Variants in LINC00305 observed in about 807,000 individuals in gnomAD.
LINC00305 encodes the protein long independently transcribed non-coding RNA 305.
chr18:64,128,418 G>T (rs1376533786), intron 1 of LINC00305, among the ~76,000 whole-genome samples: 2 of 152,028 alleles, frequency 1.3e-5, no homozygotes, highest in Admixed American at 1.3e-4. Flanking sequence ...TGAAAAGGAA[G>T]TTGAAAAACC....
intron 1 of LINC00305, among the ~76,000 whole-genome samples, chr18:64,130,233 G>A (rs1335648101): frequency 1.3e-5 from 2 of 152,056 alleles, no homozygotes; most frequent in Non-Finnish European, 2.9e-5. Flanking sequence ...GAGATACTAT[G>A]CTTTTATTTT....
At chr18:64,085,745 G>C (rs2051200889) in intron 3 of LINC00305, among the ~76,000 whole-genome samples, 1 of 152,220 alleles carries the variant, frequency 6.6e-6, no homozygotes, top group South Asian at 2.1e-4. Context: ...ACAGGCGTGA[G>C]CCACCACGCC....
chr18:64,126,698 A>T (rs2144264311), intron 1 of LINC00305, among the ~76,000 whole-genome samples: 1 of 152,248 alleles, frequency 6.6e-6, no homozygotes, highest in Admixed American at 6.5e-5. Flanking sequence ...TGAGTGATTG[A>T]GTGGTGATCA....
At chr18:64,114,358 G>A (rs1370435745) in intron 1 of LINC00305, among the ~76,000 whole-genome samples, 3 of 152,140 alleles carry the variant, frequency 2.0e-5, no homozygotes, top group African/African-American at 4.8e-5. Context: ...GAGGAGACGG[G>A]TGCCTCAATT....
At chr18:64,127,183 C>A (rs1205485797) in intron 1 of LINC00305, among the ~76,000 whole-genome samples, 1 of 152,034 alleles carries the variant, frequency 6.6e-6, no homozygotes, top group Non-Finnish European at 1.5e-5. Context: ...GCTCCCTCAT[C>A]TCAATATTTA....
At position 64,138,667 on chromosome 18, in the gene LINC00305, TG is replaced by T. The variant is rs570701788; in HGVS notation, n.314+10107del. Among the ~76,000 whole-genome samples the T allele has an allele frequency of 1.1e-4, 17 of 152,320 alleles. 1 individual carries two copies. The South Asian group carries it at 2.9e-3, about 26-fold the overall frequency. ...TTTTCCTTCACCGTTTTTCTCATTT[TG>T]GGGGGCCTATTTTTTATTCAGCAGC... On this transcript the variant is annotated intron_variant and non_coding_transcript_variant, in intron 1 of 3. Coordinates refer to ENST00000666468, the Ensembl canonical transcript of LINC00305.
chr18:64,148,803 T>C (rs2051511033), exon 1 of LINC00305: 1 of 152,132 alleles, frequency 6.6e-6, no homozygotes, highest in Non-Finnish European at 1.5e-5. Flanking sequence ...GTTCCTCTGG[T>C]GTGGTCAATC....
At chr18:64,094,569 T>A (rs1382275626) in intron 3 of LINC00305, among the ~76,000 whole-genome samples, 1 of 152,070 alleles carries the variant, frequency 6.6e-6, no homozygotes, top group African/African-American at 2.4e-5. Context: ...CTTCCCTTGG[T>A]AAAGCAGAAT....
At chr18:64,121,713 C>A (rs1029823427) in intron 1 of LINC00305, among the ~76,000 whole-genome samples, 2 of 151,998 alleles carry the variant, frequency 1.3e-5, no homozygotes, top group Admixed American at 6.6e-5. Context: ...CACCCAATAA[C>A]GGGATTGCTG....
At chr18:64,093,323 C>T (rs994742254) in intron 3 of LINC00305, among the ~76,000 whole-genome samples, 11 of 151,988 alleles carry the variant, frequency 7.2e-5, no homozygotes, top group Non-Finnish European at 5.9e-5. Context: ...TAATCCTAAC[C>T]TATTTTTATT....
At chr18:64,080,278 A>T (rs1331654179) in exon 4 of LINC00305, 1 of 456,406 alleles carries the variant, frequency 2.2e-6, no homozygotes, top group Non-Finnish European at 4.4e-6. Context: ...TCTGTTTTCA[A>T]AGAAACAGAA....
intron 3 of LINC00305, among the ~76,000 whole-genome samples, chr18:64,082,475 G>A (rs1311136093): frequency 2.6e-5 from 4 of 152,156 alleles, no homozygotes; most frequent in East Asian, 1.9e-4. Flanking sequence ...CTGGCCCTGC[G>A]TGAAATGCAT....
chr18:64,085,116 G>A (rs1283151352), intron 3 of LINC00305, among the ~76,000 whole-genome samples: 1 of 152,212 alleles, frequency 6.6e-6, no homozygotes, highest in African/African-American at 2.4e-5. Context: ...TGTGCCCACT[G>A]ACAACAACTT....
intron 1 of LINC00305, among the ~76,000 whole-genome samples, chr18:64,102,878 G>A (rs948314597): frequency 2.0e-5 from 3 of 152,164 alleles, no homozygotes; most frequent in African/African-American, 7.2e-5. Context: ...CTGACCCCAT[G>A]ATCCAGTCAC....
At chr18:64,096,588 A>C (rs1038232641) in intron 3 of LINC00305, among the ~76,000 whole-genome samples, 6 of 151,932 alleles carry the variant, frequency 3.9e-5, no homozygotes, top group African/African-American at 1.2e-4. Flanking sequence ...AACTATCAGG[A>C]AAATGTAATG....
At chr18:64,084,459 C>A (rs3110310) in intron 3 of LINC00305, among the ~76,000 whole-genome samples, 2 of 152,172 alleles carry the variant, frequency 1.3e-5, no homozygotes, top group East Asian at 1.9e-4. Context: ...CAATACCGCA[C>A]ATGTACCGCT....
chr18:64,083,140 C>T (rs2051191019), intron 3 of LINC00305, among the ~76,000 whole-genome samples: 1 of 151,988 alleles, frequency 6.6e-6, no homozygotes, highest in Non-Finnish European at 1.5e-5. Flanking sequence ...ATTTTTTACT[C>T]CCCTCCCCTT....
chr18:64,109,503 C>G (rs2051305854), intron 1 of LINC00305, among the ~76,000 whole-genome samples: 1 of 152,150 alleles, frequency 6.6e-6, no homozygotes, highest in Non-Finnish European at 1.5e-5. Flanking sequence ...AAATGAAACA[C>G]TTCTAATTTA....
chr18:64,118,587 G>A (rs2051347933), intron 1 of LINC00305, among the ~76,000 whole-genome samples: 1 of 152,042 alleles, frequency 6.6e-6, no homozygotes, highest in Non-Finnish European at 1.5e-5. Flanking sequence ...TTTGCGGTGG[G>A]ATAAAGCTTT....
Sources: gnomAD v4.1 joint callset for allele counts (sites outside exome capture counted in the v4.1 genomes callset) on GRCh38, gnomAD v4.1.1 for gene constraint, MANE v1.5 for transcripts, NCBI Gene and HGNC (gene_info 2026-07-23, HGNC 2026-07-21) for gene names.